The following KDM4B variants were observed in gnomAD, a reference collection of about 807,000 sequenced individuals.
KDM4B encodes lysine-specific demethylase 4B.
Under a neutral mutation model 125.2 loss-of-function variants are expected in KDM4B, and 32 were observed. That is an observed-to-expected ratio of 0.26 (90% CI 0.19 to 0.34). The LOEUF (loss-of-function observed/expected upper bound fraction) is 0.34, where lower values mean the gene tolerates loss of function less well. KDM4B is among the 10% of genes least tolerant of loss of function. KDM4B has a pLI of 1.00. For missense variants in KDM4B, 1,190 were observed against 1,577.7 expected (o/e 0.75, Z 4.16); for synonymous variants, 721 against 677.9 (o/e 1.06, Z -0.99).
chr19:5,025,706 G>T (rs937194940), intron 2 of KDM4B, among the ~76,000 whole-genome samples: 5 of 152,102 alleles, frequency 3.3e-5, no homozygotes, highest in East Asian at 1.9e-4. Context: ...CCCTGGCTTC[G>T]CTGGGTCCTT....
rs368918480 is a variant in KDM4B, at chr19:4,969,715, AG to A, written c.-109+491del. Among the ~76,000 whole-genome samples the A allele has an allele frequency of 2.9e-4, 43 of 150,412 alleles. No individual in the cohort carries two copies. In the South Asian group the frequency reaches 8.0e-3, roughly 28 times the overall value. ...CTGCGTTTCTGGCCCTTTGGGCGCC[AG>A]GGGGGCTAAGGGGAAGCCCCCCAGC... On this transcript the variant is annotated intron_variant, in intron 1 of 22. Coordinates refer to ENST00000159111, the MANE Select transcript of KDM4B (RefSeq NM_015015.3).
chr19:5,072,320 C>T (rs750322831), intron 7 of KDM4B, among the ~76,000 whole-genome samples: 6 of 152,134 alleles, frequency 3.9e-5, no homozygotes, highest in African/African-American at 7.2e-5. Context: ...GCGGCAGATT[C>T]GGTGGTGGGG....
intron 10 of KDM4B, chr19:5,119,298 T>C: frequency 9.8e-7 from 1 of 1,015,728 alleles, no homozygotes; most frequent in Admixed American, 2.1e-5. Context: ...ACACTCCCTG[T>C]GTCTCTGTCC....
At chr19:5,105,626 A>G (rs2039019849) in intron 9 of KDM4B, among the ~76,000 whole-genome samples, 1 of 152,168 alleles carries the variant, frequency 6.6e-6, no homozygotes, top group Admixed American at 6.5e-5. Flanking sequence ...TTGTGGAGAC[A>G]GCGTCTTGCT....
intron 18 of KDM4B, 57 bp downstream of exon 18, chr19:5,138,127 C>T (rs1457114579): frequency 6.0e-6 from 8 of 1,339,436 alleles, no homozygotes; most frequent in Non-Finnish European, 8.4e-6. Context: ...GCCGGCCATG[C>T]TCGGCTCCCC....
intron 9 of KDM4B, among the ~76,000 whole-genome samples, chr19:5,084,190 T>C (rs2038394179): frequency 6.6e-6 from 1 of 151,408 alleles, no homozygotes; most frequent in African/African-American, 2.4e-5. Flanking sequence ...GAGGTTGCAG[T>C]GAGCTGAGAT....
chr19:5,107,257 G>T (rs1023893897), intron 9 of KDM4B, among the ~76,000 whole-genome samples: 1 of 152,254 alleles, frequency 6.6e-6, no homozygotes, highest in African/African-American at 2.4e-5. Flanking sequence ...GCCTTTGGGG[G>T]CCGCGCAGAC....
rs1225795456 is a variant in KDM4B, at chr19:5,082,897, G to C, written c.918+393G>C. The stretch of plus-strand genomic sequence containing the variant: ...GGCATCTCCTGGCCATCATGGTCCT[G>C]GGGTTGGGTTGTTTGCTGACATCTC... On this transcript the variant is annotated intron_variant, in intron 9 of 22. Transcript: ENST00000159111. The surrounding 1 kb of genome is among the most constrained non-coding windows in gnomAD (Gnocchi z 5.4). Among the ~76,000 whole-genome samples, 2 of 152,212 alleles carry C rather than the reference G, an allele frequency of 1.3e-5. No individual in the cohort carries two copies. Among genetic ancestry groups the C allele is most frequent in the Non-Finnish European group, 2.9e-5 (2 of 68,034 alleles).
intron 2 of KDM4B, among the ~76,000 whole-genome samples, chr19:5,029,677 A>T (rs2036389740): frequency 6.6e-6 from 1 of 152,102 alleles, no homozygotes; most frequent in African/African-American, 2.4e-5. Context: ...AAGTACAAAA[A>T]TTAGCCAGGT....
intron 9 of KDM4B, among the ~76,000 whole-genome samples, chr19:5,095,937 G>A (rs367744408): frequency 7.9e-5 from 12 of 152,264 alleles, no homozygotes; most frequent in East Asian, 5.8e-4. Flanking sequence ...GACCCCAGCC[G>A]CTGTGAGGCA....
chr19:5,014,416 G>A lies in KDM4B; in HGVS notation c.-108-1841G>A, dbSNP rs952828669. On this transcript the variant is annotated intron_variant, in intron 1 of 22. Transcript: ENST00000159111. ...CTCAGCCTCCCGAGTAGCTGGGACT[G>A]CAGGCGCCCGCCACCACGCCTGGCT... Among the ~76,000 whole-genome samples, 96 of 152,184 alleles carry A rather than the reference G, an allele frequency of 6.3e-4. 1 individual carries two copies. Among genetic ancestry groups the A allele is most frequent in the African/African-American group, 2.3e-3 (94 of 41,528 alleles).
rs190856407 is a variant in KDM4B at position 5,026,506 on chromosome 19, C to A, written c.-25-6360C>A. On this transcript the variant is annotated intron_variant, in intron 2 of 22. Coordinates refer to ENST00000159111, the MANE Select transcript of KDM4B (RefSeq NM_015015.3). The stretch of plus-strand genomic sequence containing the variant: ...CCTTCATTTGTCTTCGAAACTCTTG[C>A]TCGCCCCTCTGTGACGTTGTTAATT... Among the ~76,000 whole-genome samples, 349 of 152,272 alleles carry A rather than the reference C, an allele frequency of 2.3e-3. 1 individual carries two copies. The highest frequency in any genetic ancestry group is 0.01 in the Middle Eastern group (3 of 294).
chr19:5,151,762 T>C lies in KDM4B; in HGVS notation c.*251T>C, dbSNP rs2039953008. ...CTCAACTACTCAGAATTTTAAACCA[T>C]GTAAGCTCTCTTCTTCTCGAAAAGG... is the stretch of plus-strand genomic sequence containing the variant. On this transcript the variant is annotated 3_prime_UTR_variant, in exon 23 of 23. Transcript: ENST00000159111. 5.2e-6 allele frequency: 2 copies of C among 382,756 alleles called. No individual in the cohort carries two copies. Among genetic ancestry groups the C allele is most frequent in the East Asian group, 7.5e-5 (2 of 26,834 alleles). The allele number at this position is 382,756 out of a possible 1,614,324, so 23.7% of individuals were successfully genotyped here.
chr19:5,088,532 G>A (rs1029723467), intron 9 of KDM4B, among the ~76,000 whole-genome samples: 1 of 152,070 alleles, frequency 6.6e-6, no homozygotes, highest in Non-Finnish European at 1.5e-5. Flanking sequence ...AGCTCCACCC[G>A]TGATAAGTAG....
At chr19:5,055,843 G>A (rs1411649036) in intron 6 of KDM4B, among the ~76,000 whole-genome samples, 1 of 152,210 alleles carries the variant, frequency 6.6e-6, no homozygotes, top group Non-Finnish European at 1.5e-5. Flanking sequence ...AAAGTGGGAA[G>A]GTAGTAACCA....
chr19:5,100,994 G>T (rs2038919773), intron 9 of KDM4B, among the ~76,000 whole-genome samples: 1 of 152,096 alleles, frequency 6.6e-6, no homozygotes, highest in Non-Finnish European at 1.5e-5. Context: ...GCTGAGGCGG[G>T]CGGATCACCT....
At chr19:5,089,382 C>T (rs142319379) in intron 9 of KDM4B, among the ~76,000 whole-genome samples, 17 of 152,282 alleles carry the variant, frequency 1.1e-4, no homozygotes, top group South Asian at 2.1e-4. Context: ...TCTGTAGCCC[C>T]GTTTGTTGTA....
chr19:5,041,304 GT>G, intron 5 of KDM4B, 53 bp downstream of exon 5: 6 of 1,424,294 alleles, frequency 4.2e-6, no homozygotes, highest in South Asian at 1.2e-5. Flanking sequence ...GTGGGTGGTG[GT>G]GGGAGGGCCC....
chr19:4,994,222 A>G (rs1160726571), intron 1 of KDM4B, among the ~76,000 whole-genome samples: 1 of 150,878 alleles, frequency 6.6e-6, no homozygotes, highest in Non-Finnish European at 1.5e-5. Flanking sequence ...TTGGGATTAC[A>G]GGTGTGAGCC....
Sources: gnomAD v4.1 joint callset for allele counts (sites outside exome capture counted in the v4.1 genomes callset) on GRCh38, gnomAD v4.1.1 for gene constraint, Gnocchi (gnomAD v3.1) non-coding constraint, MANE v1.5 for transcripts, NCBI Gene and HGNC (gene_info 2026-07-23, HGNC 2026-07-21) for gene names.